FAS: variants seen among roughly 807,000 people sequenced by gnomAD.
FAS encodes Fas cell surface death receptor.
FAS carries 5 observed loss-of-function variants against 33.2 expected under a neutral mutation model. The ratio of observed to expected loss-of-function variants is 0.15; its 90% CI spans 0.08 to 0.32. The LOEUF (loss-of-function observed/expected upper bound fraction) is 0.32, where lower values mean the gene tolerates loss of function less well. Ranked by LOEUF, FAS falls within the 10% of genes least tolerant of loss-of-function variation. FAS has a pLI of 1.00. For synonymous variants in FAS, 131 were observed against 130.7 expected (o/e 1.00, Z -0.01); for missense variants, 339 against 386.0 (o/e 0.88, Z 1.02).
intron 1 of FAS, among the ~76,000 whole-genome samples, chr10:89,001,390 G>A (rs1173950578): frequency 1.3e-5 from 2 of 148,728 alleles, no homozygotes; most frequent in Admixed American, 1.4e-4. Flanking sequence ...TCCTTCTTTT[G>A]GTTCCTTTTC....
upstream of FAS, among the ~76,000 whole-genome samples, chr10:88,983,995 A>G (rs1409650020): frequency 6.6e-6 from 1 of 152,154 alleles, no homozygotes; most frequent in Admixed American, 6.5e-5. Flanking sequence ...CTTTAGATGC[A>G]TGCAGGTTTG....
chr10:89,002,619 G>T (rs7069750), intron 1 of FAS: 120,849 of 234,952 alleles, frequency 0.51, 32,145 homozygotes, highest in South Asian at 0.57. Context: ...TTTGTTATGT[G>T]CCAGGTTCTG....
chr10:88,990,896 T>C lies in FAS; in HGVS notation c.20T>C (p.Leu7Pro), dbSNP rs2133384423. The C allele has an allele frequency of 1.2e-6, 2 of 1,614,216 alleles. No homozygotes were observed. Among genetic ancestry groups the C allele is most frequent in the Non-Finnish European group, 1.7e-6 (2 of 1,180,038 alleles). Reference sequence around the variant, plus strand: ...ACAACCATGCTGGGCATCTGGACCCTCCTACCTCTGGTGAGCCCTCTCCTG... The same window carrying C: ...ACAACCATGCTGGGCATCTGGACCCCCCTACCTCTGGTGAGCCCTCTCCTG... MLGIWT[L>P]LPLVLTSVAR... The change falls in exon 1 of 9, where the codon CTC (leucine) becomes CCC (proline). Residue 7 changes from leucine (L) to proline (P), a missense_variant. Physicochemically the swap from Leu to Pro is moderately conservative, Grantham distance 98. Transcript: ENST00000652046. This position sits in a 1 kb window ranked among gnomAD's most constrained non-coding sequence, Gnocchi z 4.9.
chr10:89,005,213 A>G (rs1848157611), intron 2 of FAS, among the ~76,000 whole-genome samples: 1 of 151,802 alleles, frequency 6.6e-6, no homozygotes, highest in Admixed American at 6.6e-5. Flanking sequence ...AGAAAAAAAG[A>G]AAGAAATGAA....
In FAS at chr10:89,014,917, AC is replaced by A. The variant is rs1395584845; in HGVS notation, c.*469del. ...TACCTCTGATAATTCTAGAGATTTT[AC>A]CATATTTCTAAACTTTGTTTATAAC... On this transcript the variant is annotated 3_prime_UTR_variant, in exon 9 of 9. Coordinates refer to ENST00000652046, the MANE Select transcript of FAS (RefSeq NM_000043.6). 1 of 535,230 alleles carries A rather than the reference AC, an allele frequency of 1.9e-6. No homozygotes were observed. The highest frequency in any genetic ancestry group is 3.6e-6 in the Non-Finnish European group (1 of 277,030). The allele number at this position is 535,230 out of a possible 1,614,324, so 33.2% of individuals were successfully genotyped here. A position where few individuals can be genotyped will look rare whatever the true frequency, so the allele number is the denominator to read the frequency against.
At position 89,013,349 on chromosome 10, in the gene FAS, G is replaced by A. The variant is rs755437276; in HGVS notation, c.658G>A (p.Val220Met). 1.9e-6 allele frequency: 3 copies of A among 1,611,804 alleles called. No individual in the cohort carries two copies. Reference sequence around the variant, plus strand: ...TCCATTTTTTGCTTTCTAGGAAACAGTGGCAATAAATTTATCTGGTAAGGC... The same window carrying A: ...TCCATTTTTTGCTTTCTAGGAAACAATGGCAATAAATTTATCTGGTAAGGC... ...HESPTLNPET[V>M]AINLSDVDLS... The change falls in exon 8 of 9, where the codon GTG (valine) becomes ATG (methionine). Residue 220 changes from valine (V) to methionine (M), a missense_variant. By Grantham distance (21) the Val-to-Met change is conservative (BLOSUM62 1). Coordinates refer to ENST00000652046, the MANE Select transcript of FAS (RefSeq NM_000043.6).
intron 1 of FAS, among the ~76,000 whole-genome samples, chr10:89,000,764 T>C (rs1371593573): frequency 6.6e-6 from 1 of 152,154 alleles, no homozygotes; most frequent in Non-Finnish European, 1.5e-5. Context: ...AAAATCCTCT[T>C]GGCCGGGTGC....
intron 1 of FAS, among the ~76,000 whole-genome samples, chr10:88,999,223 T>C (rs935879434): frequency 6.6e-6 from 1 of 152,066 alleles, no homozygotes; most frequent in Non-Finnish European, 1.5e-5. Context: ...TACTGTTCTC[T>C]CAAGTACCCC....
chr10:88,989,242 T>C (rs1847023199), upstream of FAS, among the ~76,000 whole-genome samples: 1 of 152,208 alleles, frequency 6.6e-6, no homozygotes, highest in African/African-American at 2.4e-5. Flanking sequence ...ACTGATTTTG[T>C]CAATTGTCCT....
upstream of FAS, chr10:88,989,415 C>T (rs1362821004): frequency 4.0e-6 from 2 of 501,122 alleles, no homozygotes; most frequent in African/African-American, 2.0e-5. Flanking sequence ...AGAGATAATA[C>T]AGAGAATGCC....
At chr10:88,966,389 G>A (rs941779788) in intron 1 of FAS, among the ~76,000 whole-genome samples, 44 of 152,174 alleles carry the variant, frequency 2.9e-4, no homozygotes, top group Admixed American at 1.2e-3. Flanking sequence ...CTGATTGTCT[G>A]TGTGGCTTTG....
At chr10:89,002,719 G>C in intron 1 of FAS, 1 of 384,966 alleles carries the variant, frequency 2.6e-6, no homozygotes, top group African/African-American at 2.1e-5. Flanking sequence ...AAGAAACTGA[G>C]ACTTGGAGAA....
chr10:89,014,171 T>G lies in FAS; in HGVS notation c.729T>G (p.Ser243Arg). ...CTATTGCTGGAGTCATGACACTAAG[T>G]CAAGTTAAAGGCTTTGTTCGAAAGA... The part of the protein sequence containing the change: ...ITTIAGVMTL[S>R]QVKGFVRKNG... The change falls in exon 9 of 9, where the codon AGT becomes AGG. Residue 243 changes from serine (S) to arginine (R), a missense_variant. Ser to Arg is a moderately radical substitution (Grantham distance 110). Around this residue, in one of 3 missense-constraint regions of FAS, gnomAD observed 276 missense variants for 300.1 expected, o/e 0.92. Transcript: ENST00000652046. 6.2e-7 allele frequency: 1 copy of G among 1,613,890 alleles called. No individual in the cohort carries two copies. Among genetic ancestry groups the G allele is most frequent in the Non-Finnish European group, 8.5e-7 (1 of 1,179,900 alleles).
intron 2 of FAS, among the ~76,000 whole-genome samples, chr10:89,005,701 G>C (rs1270661750): frequency 6.6e-6 from 1 of 152,120 alleles, no homozygotes. Context: ...GCAGTGGCAT[G>C]ATCTCAGCTC....
upstream of FAS, among the ~76,000 whole-genome samples, chr10:88,988,459 G>GT (rs200316645): frequency 1.2e-3 from 110 of 89,450 alleles, 1 homozygote; most frequent in East Asian, 0.038. Flanking sequence ...AACTCTTCCT[G>GT]TTTTTTTACA....
chr10:89,010,145 C>G (rs994025208), intron 4 of FAS, among the ~76,000 whole-genome samples: 2 of 152,114 alleles, frequency 1.3e-5, no homozygotes, highest in African/African-American at 4.8e-5. Context: ...ATCACCTGGC[C>G]ATTTTCTTGG....
intron 2 of FAS, among the ~76,000 whole-genome samples, chr10:88,975,422 T>C (rs187206815): frequency 6.6e-6 from 1 of 152,196 alleles, no homozygotes; most frequent in Non-Finnish European, 1.5e-5. Context: ...AAAGTGTTTG[T>C]TTTTTTCTTA....
chr10:88,990,586 G>C, upstream of FAS: 1 of 668,526 alleles, frequency 1.5e-6, no homozygotes, highest in Non-Finnish European at 2.7e-6. The surrounding 1 kb of genome is among the most constrained non-coding windows in gnomAD (Gnocchi z 4.9). Context: ...CAACCCGGGC[G>C]TTCCCCAGCG....
At chr10:88,997,327 G>A (rs1214286014) in intron 1 of FAS, among the ~76,000 whole-genome samples, 1 of 152,140 alleles carries the variant, frequency 6.6e-6, no homozygotes, top group African/African-American at 2.4e-5. Flanking sequence ...TCTGACTCTA[G>A]CACTAAACTC....
Sources: gnomAD v4.1 joint callset for allele counts (sites outside exome capture counted in the v4.1 genomes callset) on GRCh38, gnomAD v4.1.1 for gene constraint, gnomAD v4.1.1 regional missense constraint, Gnocchi (gnomAD v3.1) non-coding constraint, MANE v1.5 for transcripts, NCBI Gene and HGNC (gene_info 2026-07-23, HGNC 2026-07-21) for gene names.